The following CDKAL1 variants were observed in gnomAD, a reference collection of about 807,000 sequenced individuals.
CDKAL1 encodes the protein threonylcarbamoyladenosine tRNA methylthiotransferase.
A neutral mutation model predicts 68.2 loss-of-function variants in CDKAL1; 32 were observed. The ratio of observed to expected loss-of-function variants is 0.47; its 90% CI spans 0.35 to 0.63. CDKAL1 has a LOEUF of 0.63. CDKAL1 is among the 30% of genes least tolerant of loss of function. CDKAL1 has a pLI of 0.00. For synonymous variants in CDKAL1, 234 were observed against 244.3 expected, an observed-to-expected ratio of 0.96 and a Z score of 0.39; for missense variants, 606 against 696.7, an observed-to-expected ratio of 0.87 and a Z score of 1.47.
At chr6:20,624,080 GTTCTT>G (rs1002638859) in intron 4 of CDKAL1, among the ~76,000 whole-genome samples, 3 of 152,114 alleles carry the variant, frequency 2.0e-5, no homozygotes, top group South Asian at 4.2e-4. Context: ...TTATTGTAGA[GTTCTT>G]TTCTTGGTAT....
intron 15 of CDKAL1, among the ~76,000 whole-genome samples, chr6:21,210,448 G>A (rs1779108449): frequency 6.6e-6 from 1 of 152,180 alleles, no homozygotes; most frequent in South Asian, 2.1e-4. Context: ...TGAGGACACA[G>A]CAAGAAGACT....
chr6:20,542,710 A>G (rs1438640043), intron 2 of CDKAL1, among the ~76,000 whole-genome samples: 4 of 152,192 alleles, frequency 2.6e-5, no homozygotes, highest in African/African-American at 9.7e-5. Flanking sequence ...CTACAATACA[A>G]TACAGTATCA....
At chr6:21,093,160 TGCCAAGACAAGAGAGAAAA>T (rs1406319399) in intron 12 of CDKAL1, among the ~76,000 whole-genome samples, 1 of 152,176 alleles carries the variant, frequency 6.6e-6, no homozygotes, top group Non-Finnish European at 1.5e-5. Flanking sequence ...TGTAGACCCA[TGCCAAGACAAGAGAGAAAA>T]GCCAGGTCAC....
At chr6:21,222,814 G>A (rs545856345) in intron 15 of CDKAL1, among the ~76,000 whole-genome samples, 11 of 152,242 alleles carry the variant, frequency 7.2e-5, no homozygotes, top group Admixed American at 2.6e-4. Flanking sequence ...AAGCTGCACC[G>A]CAAGATGGGA....
At chr6:21,053,732 A>G (rs1027491146) in intron 11 of CDKAL1, among the ~76,000 whole-genome samples, 1 of 152,134 alleles carries the variant, frequency 6.6e-6, no homozygotes, top group East Asian at 1.9e-4. Context: ...ATGTTAAGCA[A>G]ATTTTAATGT....
At chr6:20,725,189 T>A (rs1772586176) in intron 5 of CDKAL1, among the ~76,000 whole-genome samples, 1 of 151,794 alleles carries the variant, frequency 6.6e-6, no homozygotes, top group Non-Finnish European at 1.5e-5. Context: ...TTCTACAGTG[T>A]TGGTGTGAGT....
chr6:21,168,224 G>A (rs986375487), intron 13 of CDKAL1, among the ~76,000 whole-genome samples: 5 of 152,174 alleles, frequency 3.3e-5, no homozygotes, highest in South Asian at 2.1e-4. Flanking sequence ...CTCAAACACC[G>A]TTGTGCCCAG....
intron 13 of CDKAL1, among the ~76,000 whole-genome samples, chr6:21,189,872 C>T (rs935572250): frequency 1.3e-5 from 2 of 152,126 alleles, no homozygotes; most frequent in Admixed American, 6.5e-5. Flanking sequence ...TTACTGTATA[C>T]CCAGGAGACC....
chr6:21,182,321 CTA>C (rs1229380305), intron 13 of CDKAL1, among the ~76,000 whole-genome samples: 5 of 152,128 alleles, frequency 3.3e-5, no homozygotes, highest in Non-Finnish European at 7.4e-5. Context: ...AAGAATATCA[CTA>C]TTTATTAAAA....
intron 8 of CDKAL1, among the ~76,000 whole-genome samples, chr6:20,812,335 T>C (rs1457312558): frequency 6.6e-6 from 1 of 152,208 alleles, no homozygotes; most frequent in Non-Finnish European, 1.5e-5. Flanking sequence ...CTAATGTGCT[T>C]CAAACTATTG....
chr6:20,936,815 A>G (rs74337055), intron 9 of CDKAL1, among the ~76,000 whole-genome samples: 3,402 of 152,300 alleles, frequency 0.022, 42 homozygotes, highest in Non-Finnish European at 0.036. Context: ...TTAAATCAGG[A>G]AACTTTGACT....
At chr6:20,693,564 A>G (rs903255905) in intron 5 of CDKAL1, among the ~76,000 whole-genome samples, 2 of 152,216 alleles carry the variant, frequency 1.3e-5, no homozygotes, top group Non-Finnish European at 2.9e-5. Context: ...TCTTTCAGGG[A>G]CAAATGTCCT....
At chr6:20,730,860 AAG>A (rs1491302429) in intron 5 of CDKAL1, among the ~76,000 whole-genome samples, 1 of 151,186 alleles carries the variant, frequency 6.6e-6, no homozygotes, top group Non-Finnish European at 1.5e-5. Flanking sequence ...AAAAAAAAAA[AAG>A]AGAGAAGGAG....
chr6:20,678,362 C>T (rs1274943455), intron 5 of CDKAL1, among the ~76,000 whole-genome samples: 1 of 151,994 alleles, frequency 6.6e-6, no homozygotes, highest in Non-Finnish European at 1.5e-5. Context: ...GTATGTTACT[C>T]CTTTGTCTCT....
At chr6:21,080,090 T>C (rs200036049) in intron 12 of CDKAL1, among the ~76,000 whole-genome samples, 2 of 151,042 alleles carry the variant, frequency 1.3e-5, no homozygotes, top group Non-Finnish European at 2.9e-5. Context: ...TTTTTTTTTT[T>C]CTTTGAATCC....
chr6:20,640,033 T>C (rs1442912181), intron 4 of CDKAL1, among the ~76,000 whole-genome samples: 3 of 152,370 alleles, frequency 2.0e-5, no homozygotes, highest in Non-Finnish European at 4.4e-5. Context: ...AATTCTCTTA[T>C]TAAAGCATAC....
intron 5 of CDKAL1, among the ~76,000 whole-genome samples, chr6:20,719,177 C>G (rs1367384846): frequency 1.3e-5 from 2 of 152,140 alleles, no homozygotes; most frequent in Admixed American, 1.3e-4. Context: ...AGTTACCCAG[C>G]CACAGTAGAG....
At chr6:21,034,579 T>A (rs145757881) in intron 11 of CDKAL1, among the ~76,000 whole-genome samples, 3 of 152,208 alleles carry the variant, frequency 2.0e-5, no homozygotes, top group Admixed American at 2.0e-4. Context: ...AAAGCACACA[T>A]GTAGCTTGAT....
intron 5 of CDKAL1, among the ~76,000 whole-genome samples, chr6:20,732,022 C>G (rs1179007551): frequency 6.6e-6 from 1 of 151,610 alleles, no homozygotes; most frequent in African/African-American, 2.4e-5. Flanking sequence ...ATCATCTTCT[C>G]TCTTTTTTTA....
Sources: gnomAD v4.1 joint callset for allele counts (sites outside exome capture counted in the v4.1 genomes callset) on GRCh38, gnomAD v4.1.1 for gene constraint, MANE v1.5 for transcripts, NCBI Gene and HGNC (gene_info 2026-07-23, HGNC 2026-07-21) for gene names.